The following ETF1 variants were observed in gnomAD, a reference collection of about 807,000 sequenced individuals.
ETF1 encodes the protein eukaryotic peptide chain release factor subunit 1.
ETF1 carries 4 observed loss-of-function variants against 55.1 expected under a neutral mutation model. The ratio of observed to expected loss-of-function variants is 0.07; its 90% confidence interval spans 0.04 to 0.17. ETF1 has a LOEUF of 0.17. Among genes scored for constraint, ETF1 ranks in the 10% least tolerant of loss-of-function variants. ETF1 has a pLI of 1.00. For synonymous variants in ETF1, 157 were observed against 182.3 expected (o/e 0.86, Z 1.12); for missense variants, 142 against 523.6 (o/e 0.27, Z 7.11).
chr5:138,541,372 T>C, intron 2 of ETF1: 3 of 602,538 alleles, frequency 5.0e-6, no homozygotes, highest in Non-Finnish European at 8.8e-6. Flanking sequence ...CAAGCCGCTG[T>C]CTTCGATTCA....
At chr5:138,533,666 CAG>C (rs986178274) in intron 2 of ETF1, among the ~76,000 whole-genome samples, 2 of 152,238 alleles carry the variant, frequency 1.3e-5, no homozygotes, top group Non-Finnish European at 2.9e-5. Flanking sequence ...AGCCTGGAGA[CAG>C]AGCAAGACTC....
intron 2 of ETF1, among the ~76,000 whole-genome samples, chr5:138,532,040 C>T (rs935195703): frequency 8.5e-5 from 12 of 141,452 alleles, no homozygotes; most frequent in Middle Eastern, 3.5e-3. Flanking sequence ...AGCGAGACTC[C>T]GCCTCAAAAA....
intron 2 of ETF1, among the ~76,000 whole-genome samples, chr5:138,539,100 C>T (rs532484621): frequency 6.6e-6 from 1 of 152,288 alleles, no homozygotes; most frequent in Non-Finnish European, 1.5e-5. Flanking sequence ...GGTTATCTGA[C>T]CAAGTGTTCA....
At chr5:138,530,166 A>G (rs551241486) in intron 2 of ETF1, among the ~76,000 whole-genome samples, 1 of 152,000 alleles carries the variant, frequency 6.6e-6, no homozygotes, top group Admixed American at 6.5e-5. Context: ...AAAAGAATAC[A>G]TGCTCAGACA....
At chr5:138,510,953 A>AT (rs1764750807) in intron 8 of ETF1, 92 bp downstream of exon 8, 8 of 1,542,744 alleles carry the variant, frequency 5.2e-6, no homozygotes, top group African/African-American at 4.1e-5. Context: ...CTACCTTCTG[A>AT]TTGCTCCTGA....
rs532106952 is a variant in ETF1 at position 138,524,847 on chromosome 5, A to G, written c.87-5980T>C. ...CGCCTTGGCCTCCCAAAGTGCTGGG[A>G]TTACAGGCATGAGCCACCGTGCCCG... On this transcript the variant is annotated intron_variant, in intron 2 of 10. Transcript: ENST00000360541. 5.3e-5 allele frequency among the ~76,000 whole-genome samples: 8 copies of G among 152,068 alleles called. No homozygotes were observed. The South Asian group carries it at 1.7e-3, about 32-fold the overall frequency.
Position 138,537,013 on chromosome 5 carries a change from T to G in ETF1, c.86+5820A>C, listed in dbSNP as rs539961628. On this transcript the variant is annotated intron_variant, in intron 2 of 10. Transcript: ENST00000360541. ...CCTGGAAGCATAAGTATATCTGCTA[T>G]TACAATAGGAGGTCTGTCAAGACTT... is the stretch of plus-strand genomic sequence containing the variant. 3.9e-5 allele frequency among the ~76,000 whole-genome samples: 6 copies of G among 152,306 alleles called. No homozygotes were observed. In the East Asian group the frequency reaches 1.2e-3, roughly 29 times the overall value.
intron 2 of ETF1, among the ~76,000 whole-genome samples, chr5:138,532,702 C>A (rs1457157820): frequency 6.6e-6 from 1 of 152,182 alleles, no homozygotes; most frequent in Non-Finnish European, 1.5e-5. Flanking sequence ...CTTGCCAAAT[C>A]TTCCACAGAA....
intron 4 of ETF1, among the ~76,000 whole-genome samples, chr5:138,516,389 C>CAA (rs1765019644): frequency 6.6e-6 from 1 of 152,010 alleles, no homozygotes; most frequent in African/African-American, 2.4e-5. Flanking sequence ...CACACACACA[C>CAA]ACTTTGGGAG....
At chr5:138,527,946 A>G (rs1167695984) in intron 2 of ETF1, among the ~76,000 whole-genome samples, 1 of 151,710 alleles carries the variant, frequency 6.6e-6, no homozygotes, top group Non-Finnish European at 1.5e-5. Flanking sequence ...CTAATTTTGT[A>G]TTTTTAGTAG....
chr5:138,514,977 T>C (rs1449171420), intron 4 of ETF1, among the ~76,000 whole-genome samples: 2 of 152,200 alleles, frequency 1.3e-5, no homozygotes, highest in Non-Finnish European at 2.9e-5. Context: ...TCCTCCTCTT[T>C]GGCCTCCCAA....
At chr5:138,516,658 T>A (rs989813129) in intron 4 of ETF1, among the ~76,000 whole-genome samples, 2 of 152,212 alleles carry the variant, frequency 1.3e-5, no homozygotes, top group South Asian at 2.1e-4. Flanking sequence ...GCTGAATGAC[T>A]AGTGTCATAA....
At chr5:138,524,483 G>C (rs935597659) in intron 2 of ETF1, among the ~76,000 whole-genome samples, 5 of 151,416 alleles carry the variant, frequency 3.3e-5, no homozygotes, top group Non-Finnish European at 7.4e-5. Flanking sequence ...AGCCCTAGAG[G>C]TTGAGGCTGC....
At position 138,542,927 on chromosome 5, in the gene ETF1, C is replaced by T. The variant is rs1766247849; in HGVS notation, c.-9G>A. 3 of 1,613,504 alleles carry T rather than the reference C, an allele frequency of 1.9e-6. No homozygotes were observed. The East Asian group carries it at 6.7e-5, about 36-fold the overall frequency. ...CTGGGGTCGTCCGCCATCTTCTCGC[C>T]TCCTCCTCCCTAGAGCGGCCCGGCG... On this transcript the variant is annotated 5_prime_UTR_variant, in exon 2 of 11. Coordinates refer to ENST00000360541, the MANE Select transcript of ETF1 (RefSeq NM_004730.4).
At chr5:138,524,268 G>C (rs1046063769) in intron 2 of ETF1, among the ~76,000 whole-genome samples, 1 of 151,486 alleles carries the variant, frequency 6.6e-6, no homozygotes, top group Admixed American at 6.6e-5. Context: ...CACGAGAATC[G>C]CTCGAACCTG....
chr5:138,525,681 C>G (rs1765438671), intron 2 of ETF1, among the ~76,000 whole-genome samples: 1 of 152,008 alleles, frequency 6.6e-6, no homozygotes, highest in Admixed American at 6.6e-5. Context: ...CGCGGTAGCT[C>G]ATACCTGTAA....
At position 138,513,439 on chromosome 5, in the gene ETF1, C is replaced by G. The variant is rs1403250875; in HGVS notation, c.541+129G>C. ...CGGGCTGGTCTCGAACTTCTGACTT[C>G]GTGATCCACCCGGCTCGGCCTCCCA... On this transcript the variant is annotated intron_variant, in intron 5 of 10. Coordinates refer to ENST00000360541, the MANE Select transcript of ETF1 (RefSeq NM_004730.4). 4 of 842,450 alleles carry G rather than the reference C, an allele frequency of 4.7e-6. No individual in the cohort carries two copies. The Admixed American group carries it at 9.2e-5, about 19-fold the overall frequency. 52.2% of individuals were successfully genotyped at this position (842,450 alleles called of 1,614,324 possible).
At chr5:138,534,305 T>A (rs1385883155) in intron 2 of ETF1, among the ~76,000 whole-genome samples, 1 of 152,168 alleles carries the variant, frequency 6.6e-6, no homozygotes, top group Admixed American at 6.5e-5. Context: ...GCATTATTAG[T>A]CTTAAAAAGA....
At chr5:138,509,671 G>A (rs1292321705) in intron 9 of ETF1, among the ~76,000 whole-genome samples, 1 of 151,600 alleles carries the variant, frequency 6.6e-6, no homozygotes, top group African/African-American at 2.4e-5. Flanking sequence ...AAGGCAGGTG[G>A]ATCACCTGAG....
Sources: gnomAD v4.1 joint callset for allele counts (sites outside exome capture counted in the v4.1 genomes callset) on GRCh38, gnomAD v4.1.1 for gene constraint, MANE v1.5 for transcripts, NCBI Gene and HGNC (gene_info 2026-07-23, HGNC 2026-07-21) for gene names.